SCFD2: variants seen among roughly 807,000 people sequenced by gnomAD.
The protein encoded by SCFD2 is sec1 family domain containing 2.
A neutral mutation model predicts 58.9 loss-of-function variants in SCFD2; 54 were observed. That is an observed-to-expected ratio of 0.92 (90% CI 0.74 to 1.15). The LOEUF (loss-of-function observed/expected upper bound fraction) is 1.15, where lower values mean the gene tolerates loss of function less well. Ranked by LOEUF, SCFD2 falls within the 50% of genes most tolerant of loss-of-function variation. The probability of loss-of-function intolerance (pLI) is 0.00; values close to 1 mark genes in which losing one functional copy is unlikely to be tolerated. For missense variants in SCFD2, 805 were observed against 836.6 expected, an observed-to-expected ratio of 0.96 and a Z score of 0.47; for synonymous variants, 321 against 335.9, an observed-to-expected ratio of 0.96 and a Z score of 0.49.
At position 53,252,910 on chromosome 4, in the gene SCFD2, C is replaced by T. The variant is rs563303315; in HGVS notation, c.1311+20916G>A. Among the ~76,000 whole-genome samples the T allele has an allele frequency of 3.3e-5, 5 of 152,260 alleles. No individual in the cohort carries two copies. The South Asian group carries it at 1.0e-3, about 32-fold the overall frequency. ...AATGGGATCTCATTAAACTAAAGCG[C>T]TTCTGCACAGCAAAAGAAACTACCA... On this transcript the variant is annotated intron_variant, in intron 4 of 8. Coordinates refer to ENST00000401642, the MANE Select transcript of SCFD2 (RefSeq NM_152540.4).
intron 4 of SCFD2, among the ~76,000 whole-genome samples, chr4:53,241,138 C>A (rs1247601134): frequency 6.6e-6 from 1 of 152,208 alleles, no homozygotes; most frequent in African/African-American, 2.4e-5. Context: ...CTGCTCTCAC[C>A]ATAGGCTTCT....
At chr4:53,037,135 A>T (rs1400256680) in intron 5 of SCFD2, among the ~76,000 whole-genome samples, 1 of 152,158 alleles carries the variant, frequency 6.6e-6, no homozygotes, top group Non-Finnish European at 1.5e-5. Context: ...CCTTATGTAA[A>T]TGTCTATCAA....
chr4:53,010,731 A>G (rs1722075384), intron 5 of SCFD2, among the ~76,000 whole-genome samples: 1 of 152,176 alleles, frequency 6.6e-6, no homozygotes, highest in Non-Finnish European at 1.5e-5. Flanking sequence ...ACCTCTCTCA[A>G]GTGAAAGTTT....
chr4:53,121,159 T>A (rs899077117), intron 5 of SCFD2, among the ~76,000 whole-genome samples: 1 of 152,206 alleles, frequency 6.6e-6, no homozygotes, highest in African/African-American at 2.4e-5. Flanking sequence ...TCGCTCATTA[T>A]AATCTTTTAT....
intron 5 of SCFD2, among the ~76,000 whole-genome samples, chr4:53,075,931 G>C (rs1462509049): frequency 6.6e-6 from 1 of 152,090 alleles, no homozygotes; most frequent in Non-Finnish European, 1.5e-5. Flanking sequence ...CTAGACACAG[G>C]GTTGCCAGAA....
chr4:52,976,482 T>G (rs1056913627), intron 5 of SCFD2, among the ~76,000 whole-genome samples: 3 of 152,104 alleles, frequency 2.0e-5, no homozygotes, highest in Admixed American at 1.3e-4. Context: ...GAAATCTACC[T>G]CACAGGGATT....
chr4:53,259,959 A>T (rs1230275032), intron 4 of SCFD2, among the ~76,000 whole-genome samples: 20 of 142,098 alleles, frequency 1.4e-4, no homozygotes, highest in East Asian at 4.1e-4. Flanking sequence ...ATAACCAGGT[A>T]TTTTTTTTTT....
At chr4:52,913,689 G>A (rs1340354959) in intron 6 of SCFD2, among the ~76,000 whole-genome samples, 4 of 152,194 alleles carry the variant, frequency 2.6e-5, no homozygotes, top group Non-Finnish European at 4.4e-5. Context: ...CCACAAAAGA[G>A]GTCCCTGGTG....
chr4:52,947,789 C>A (rs1720473499), intron 5 of SCFD2, among the ~76,000 whole-genome samples: 1 of 147,632 alleles, frequency 6.8e-6, no homozygotes. Flanking sequence ...GTGAAAAGGC[C>A]AAAACTTTAA....
intron 5 of SCFD2, among the ~76,000 whole-genome samples, chr4:53,006,072 AACCATCAGG>A (rs1721965239): frequency 6.6e-6 from 1 of 152,112 alleles, no homozygotes; most frequent in African/African-American, 2.4e-5. Context: ...CTGCTTTGGG[AACCATCAGG>A]ACCATCAAAA....
At chr4:52,900,636 C>T (rs533335403) in intron 7 of SCFD2, among the ~76,000 whole-genome samples, 7 of 152,206 alleles carry the variant, frequency 4.6e-5, no homozygotes, top group African/African-American at 9.7e-5. Context: ...TCTCAAGCTG[C>T]GTGCTGGGAG....
At chr4:53,248,731 T>C (rs529229713) in intron 4 of SCFD2, among the ~76,000 whole-genome samples, 1 of 152,132 alleles carries the variant, frequency 6.6e-6, no homozygotes, top group South Asian at 2.1e-4. Flanking sequence ...CCAACAGACC[T>C]GCAGCTGAGG....
At chr4:53,231,893 T>C (rs1050918300) in intron 4 of SCFD2, among the ~76,000 whole-genome samples, 1 of 152,140 alleles carries the variant, frequency 6.6e-6, no homozygotes, top group African/African-American at 2.4e-5. Flanking sequence ...CATGTAATTA[T>C]CTTCCTTTTA....
At chr4:53,288,559 C>A (rs146004157) in intron 3 of SCFD2, among the ~76,000 whole-genome samples, 3 of 151,708 alleles carry the variant, frequency 2.0e-5, no homozygotes, top group African/African-American at 4.8e-5. Context: ...ACTTTGCAGG[C>A]AAGGAGATAA....
chr4:52,945,968 G>T (rs542258878), intron 5 of SCFD2, among the ~76,000 whole-genome samples: 1 of 152,192 alleles, frequency 6.6e-6, no homozygotes, highest in South Asian at 2.1e-4. Flanking sequence ...ATTTTAAAAA[G>T]CAAATGCTGC....
chr4:53,188,461 GTGT>G (rs1306785865), intron 4 of SCFD2, among the ~76,000 whole-genome samples: 11 of 133,116 alleles, frequency 8.3e-5, no homozygotes, highest in Admixed American at 2.4e-4. Flanking sequence ...GTGTGTGTGT[GTGT>G]TTAGTGGCTT....
intron 4 of SCFD2, among the ~76,000 whole-genome samples, chr4:53,188,228 T>C (rs1019821535): frequency 8.5e-5 from 13 of 152,170 alleles, no homozygotes; most frequent in Admixed American, 6.6e-4. Context: ...ATGGAAGATT[T>C]AGTGATCTGT....
intron 2 of SCFD2, among the ~76,000 whole-genome samples, chr4:53,341,751 C>G (rs1215242181): frequency 6.6e-6 from 1 of 152,160 alleles, no homozygotes; most frequent in Non-Finnish European, 1.5e-5. Flanking sequence ...AGACTAACAG[C>G]AGATCTCTCG....
intron 3 of SCFD2, among the ~76,000 whole-genome samples, chr4:53,311,124 T>G (rs1320776507): frequency 1.3e-5 from 2 of 152,192 alleles, no homozygotes; most frequent in Admixed American, 6.5e-5. Context: ...TGTTTATATA[T>G]GAAAATGAGA....
Sources: allele counts gnomAD v4.1 joint callset (sites outside exome capture counted in the v4.1 genomes callset), GRCh38; gene constraint gnomAD v4.1.1; transcripts MANE v1.5; gene names NCBI Gene and HGNC (gene_info 2026-07-23, HGNC 2026-07-21).